Variants in PCDHA13 observed in about 807,000 individuals in gnomAD.
PCDHA13 encodes protocadherin alpha-13.
PCDHA13 carries 54 observed loss-of-function variants against 64.8 expected under a neutral mutation model. That is an observed-to-expected ratio of 0.83 (90% CI 0.67 to 1.04). The LOEUF is 1.04. PCDHA13 is among the 50% of genes least tolerant of loss of function. PCDHA13 has a pLI of 0.00. For synonymous variants in PCDHA13, 587 were observed against 564.4 expected (o/e 1.04, Z -0.57); for missense variants, 1,248 against 1,254.3 (o/e 0.99, Z 0.08).
At chr5:140,945,488 C>T (rs1362622912) in intron 1 of PCDHA13, among the ~76,000 whole-genome samples, 1 of 151,910 alleles carries the variant, frequency 6.6e-6, no homozygotes, top group Non-Finnish European at 1.5e-5. Flanking sequence ...ACCCCAAATA[C>T]CCAAAGCAAT....
chr5:140,892,793 A>G (rs1292583572), intron 1 of PCDHA13, among the ~76,000 whole-genome samples: 1 of 152,224 alleles, frequency 6.6e-6, no homozygotes, highest in Non-Finnish European at 1.5e-5. Context: ...TATGTAAGAA[A>G]TTATAGTTAA....
At position 140,909,620 on chromosome 5, in the gene PCDHA13, A is replaced by G. The variant is rs576090849; in HGVS notation, c.2394+24958A>G. On this transcript the variant is annotated intron_variant, in intron 1 of 3. Transcript: ENST00000289272. Reference sequence around the variant, plus strand: ...ATTTTTCTAGGTAGAGGCAGCTCTAATTGGTCTTCCTATTTTGTCTTTTCC... The same window carrying G: ...ATTTTTCTAGGTAGAGGCAGCTCTAGTTGGTCTTCCTATTTTGTCTTTTCC... Among the ~76,000 whole-genome samples the G allele has an allele frequency of 3.8e-4, 58 of 152,240 alleles. 2 individuals carry two copies. The Middle Eastern group carries it at 0.01, about 27-fold the overall frequency.
chr5:140,999,409 T>C (rs1554256782), intron 3 of PCDHA13, among the ~76,000 whole-genome samples: 1 of 152,186 alleles, frequency 6.6e-6, no homozygotes, highest in African/African-American at 2.4e-5. Flanking sequence ...TATGAAAGAA[T>C]GGGAGCTAAG....
intron 1 of PCDHA13, among the ~76,000 whole-genome samples, chr5:140,957,259 T>A (rs1554222896): frequency 6.6e-6 from 1 of 152,182 alleles, no homozygotes; most frequent in Admixed American, 6.5e-5. Context: ...TTTAAATATG[T>A]AAGCACTAGT....
intron 1 of PCDHA13, among the ~76,000 whole-genome samples, chr5:140,893,180 C>G (rs1388898676): frequency 6.6e-6 from 1 of 152,208 alleles, no homozygotes; most frequent in Non-Finnish European, 1.5e-5. Context: ...CACATAGTAG[C>G]TATTGTGAAT....
chr5:140,980,657 A>G (rs553240428), intron 2 of PCDHA13, among the ~76,000 whole-genome samples: 2 of 151,966 alleles, frequency 1.3e-5, no homozygotes, highest in Non-Finnish European at 2.9e-5. Context: ...ATAAAATAAC[A>G]TAACTTCCTT....
At chr5:140,973,599 T>C (rs952944512) in intron 1 of PCDHA13, among the ~76,000 whole-genome samples, 7 of 152,258 alleles carry the variant, frequency 4.6e-5, no homozygotes, top group African/African-American at 1.4e-4. Flanking sequence ...GATGGAATTA[T>C]GGCTGAGCTC....
At chr5:140,982,218 G>A (rs1054533925) in intron 2 of PCDHA13, 11 of 523,574 alleles carry the variant, frequency 2.1e-5, no homozygotes, top group African/African-American at 7.7e-5. Context: ...GCCACATGGC[G>A]TTAATAAAAA....
At chr5:140,974,108 C>A (rs977903039) in intron 1 of PCDHA13, among the ~76,000 whole-genome samples, 3 of 152,182 alleles carry the variant, frequency 2.0e-5, no homozygotes, top group African/African-American at 7.2e-5. Flanking sequence ...TAAAAGTATT[C>A]TTTTGCAGTG....
intron 1 of PCDHA13, among the ~76,000 whole-genome samples, chr5:140,925,390 G>A (rs968466600): frequency 6.6e-6 from 1 of 152,032 alleles, no homozygotes; most frequent in Non-Finnish European, 1.5e-5. Flanking sequence ...GTCTCCTTTT[G>A]GCTCGCCTCC....
chr5:140,973,590 A>G (rs562109843), intron 1 of PCDHA13, among the ~76,000 whole-genome samples: 3 of 152,340 alleles, frequency 2.0e-5, no homozygotes, highest in Non-Finnish European at 4.4e-5. Context: ...GCTGAGCCAG[A>G]TGGAATTATG....
intron 1 of PCDHA13, among the ~76,000 whole-genome samples, chr5:140,945,813 C>G (rs10477097): frequency 1.1e-4 from 16 of 152,202 alleles, no homozygotes; most frequent in African/African-American, 3.6e-4. Context: ...TTATCTCACA[C>G]TGTATACAAA....
rs575152424 is a variant in PCDHA13 at position 140,895,872 on chromosome 5, C to T, written c.2394+11210C>T. Among the ~76,000 whole-genome samples, 3 of 152,222 alleles carry T rather than the reference C, an allele frequency of 2.0e-5. No homozygotes were observed. The South Asian group carries it at 6.2e-4, about 32-fold the overall frequency. ...TGTACCCCAGGCTGGAGTGCAATGG[C>T]GCGATCTCGGCTCACTGCAACCTCC... On this transcript the variant is annotated intron_variant, in intron 1 of 3. Transcript: ENST00000289272.
chr5:140,944,697 T>C (rs1227405627), intron 1 of PCDHA13, among the ~76,000 whole-genome samples: 1 of 152,198 alleles, frequency 6.6e-6, no homozygotes, highest in Non-Finnish European at 1.5e-5. Context: ...ATAACAGTAA[T>C]TATCAGGTTA....
At chr5:140,966,889 C>T in intron 1 of PCDHA13, 1 of 1,593,902 alleles carries the variant, frequency 6.3e-7, no homozygotes, top group Non-Finnish European at 8.5e-7. Flanking sequence ...GCCCTGCGGC[C>T]TCCCAGCTGC....
At chr5:141,001,216 G>T (rs938133871) in intron 3 of PCDHA13, among the ~76,000 whole-genome samples, 1 of 152,082 alleles carries the variant, frequency 6.6e-6, no homozygotes, top group Non-Finnish European at 1.5e-5. Context: ...GCTGTATAAG[G>T]ATAGTTACAT....
chr5:140,968,107 G>A (rs200195064), intron 1 of PCDHA13: 58 of 1,613,992 alleles, frequency 3.6e-5, no homozygotes, highest in African/African-American at 5.3e-5. Context: ...GGGGAATACC[G>A]CAGCTCACAT....
rs1234661148 is a variant in PCDHA13, at chr5:141,010,706, T to C, written c.*769T>C. 2 of 155,338 alleles carry C rather than the reference T, an allele frequency of 1.3e-5. No individual in the cohort carries two copies. Among genetic ancestry groups the C allele is most frequent in the African/African-American group, 4.8e-5 (2 of 41,492 alleles). The allele number at this position is 155,338 out of a possible 1,614,324, so 9.6% of individuals were successfully genotyped here. A position where few individuals can be genotyped will look rare whatever the true frequency, so the allele number is the denominator to read the frequency against. The stretch of plus-strand genomic sequence containing the variant: ...AGATCTGATGTGTTTCCTATACATG[T>C]CCTGTGCTCACTTTATTAAAAATTC... On this transcript the variant is annotated 3_prime_UTR_variant, in exon 4 of 4. Transcript: ENST00000289272.
At chr5:140,941,219 C>CTTTCTTTCTT (rs1563186292) in intron 1 of PCDHA13, among the ~76,000 whole-genome samples, 18 of 125,974 alleles carry the variant, frequency 1.4e-4, no homozygotes, top group African/African-American at 4.5e-4. Context: ...TTCTTCCTTT[C>CTTTCTTTCTT]TTTCTTTCTT....
Sources: gnomAD v4.1 joint callset for allele counts (sites outside exome capture counted in the v4.1 genomes callset) on GRCh38, gnomAD v4.1.1 for gene constraint, MANE v1.5 for transcripts, NCBI Gene and HGNC (gene_info 2026-07-23, HGNC 2026-07-21) for gene names.